The following GLYATL1 variants were observed in gnomAD, a reference collection of about 807,000 sequenced individuals.
GLYATL1 encodes the protein glycine N-acyltransferase-like protein 1.
Under a neutral mutation model 20.0 loss-of-function variants are expected in GLYATL1, and 15 were observed. The ratio of observed to expected loss-of-function variants is 0.75; its 90% CI spans 0.50 to 1.15. The LOEUF (loss-of-function observed/expected upper bound fraction) is 1.15. Among genes scored for constraint, GLYATL1 ranks in the 50% most tolerant of loss-of-function variants. GLYATL1 has a pLI of 0.00. For synonymous variants in GLYATL1, 151 were observed against 131.5 expected, an observed-to-expected ratio of 1.15 and a Z score of -1.01; for missense variants, 380 against 368.5, an observed-to-expected ratio of 1.03 and a Z score of -0.26.
At chr11:58,911,198 G>C (rs1459773070), downstream of GLYATL1, among the ~76,000 whole-genome samples, 1 of 152,170 alleles carries the variant, frequency 6.6e-6, no homozygotes, top group Non-Finnish European at 1.5e-5. Context: ...CTGTGTGAAT[G>C]TATCAAAATC....
intron 1 of GLYATL1, among the ~76,000 whole-genome samples, chr11:58,931,544 T>C (rs951292047): frequency 1.5e-4 from 23 of 152,178 alleles, no homozygotes; most frequent in African/African-American, 5.3e-4. Context: ...AAATAGAAAG[T>C]GATACCTACT....
At chr11:58,906,489 T>A (rs1047584212) in intron 1 of GLYATL1, among the ~76,000 whole-genome samples, 1 of 151,064 alleles carries the variant, frequency 6.6e-6, no homozygotes, top group Non-Finnish European at 1.5e-5. Flanking sequence ...AGTGAGGGGG[T>A]GCTTTTTAAG....
Position 58,915,164 on chromosome 11 carries a change from C to T in GLYATL1, n.264+9503C>T, listed in dbSNP as rs527812684. ...AATTCTTCTATTCTTACCAACAAAG[C>T]ATAACAATATCTCCAAATATGCCTG... On this transcript the variant is annotated intron_variant and non_coding_transcript_variant, in intron 1 of 2. Transcript: ENST00000534674. Among the ~76,000 whole-genome samples, 44 of 152,316 alleles carry T rather than the reference C, an allele frequency of 2.9e-4. 1 individual carries two copies. Among genetic ancestry groups the T allele is most frequent in the African/African-American group, 9.1e-4 (38 of 41,570 alleles).
intron 3 of GLYATL1, chr11:58,947,502 T>C (rs1856658951): frequency 3.1e-5 from 14 of 452,588 alleles, no homozygotes; most frequent in Middle Eastern, 1.2e-3. Flanking sequence ...TCTCTGACTT[T>C]ACGTTTGGTT....
Position 58,955,877 on chromosome 11 carries a change from A to G in GLYATL1, c.759A>G (p.Lys253=). 1 of 1,614,238 alleles carries G rather than the reference A, an allele frequency of 6.2e-7. No homozygotes were observed. The highest frequency in any genetic ancestry group is 1.1e-5 in the South Asian group (1 of 91,088). ...CACGAGTGATGGTGCGATACATGAA[A>G]TATCTGCGTCAGAAGAATATTCCAT... ...NMARVMVRYM[K]YLRQKNIPFY... is the part of the protein sequence containing the mutation. The change falls in exon 7 of 7, where the codon AAA becomes AAG. Residue 253 remains lysine, a synonymous_variant. Coordinates refer to ENST00000532726, the MANE Select transcript of GLYATL1 (RefSeq NM_001389712.2).
chr11:58,917,463 G>A (rs946164835), intron 1 of GLYATL1, among the ~76,000 whole-genome samples: 1 of 152,178 alleles, frequency 6.6e-6, no homozygotes, highest in Admixed American at 6.5e-5. Context: ...TGGCAAAAAC[G>A]TAGTGGCATG....
chr11:58,920,642 T>C (rs947003440), intron 1 of GLYATL1, among the ~76,000 whole-genome samples: 1 of 152,178 alleles, frequency 6.6e-6, no homozygotes, highest in Admixed American at 6.5e-5. Context: ...ACTGACAAGA[T>C]GGAGAGAAAG....
intron 4 of GLYATL1, among the ~76,000 whole-genome samples, chr11:58,950,146 C>G (rs1856877153): frequency 8.4e-6 from 1 of 119,498 alleles, no homozygotes; most frequent in Admixed American, 8.8e-5. Flanking sequence ...AAAAAATTAG[C>G]CGGGCGTGGT....
At chr11:58,910,112 A>G (rs1466886169), downstream of GLYATL1, among the ~76,000 whole-genome samples, 1 of 151,792 alleles carries the variant, frequency 6.6e-6, no homozygotes, top group Non-Finnish European at 1.5e-5. Flanking sequence ...CTGAGAGGGC[A>G]CTTACAGATA....
At chr11:58,920,221 G>A (rs908514598) in intron 1 of GLYATL1, among the ~76,000 whole-genome samples, 3 of 152,088 alleles carry the variant, frequency 2.0e-5, no homozygotes, top group African/African-American at 7.2e-5. Flanking sequence ...GTGTCTAAGA[G>A]CTGTAGAATT....
chr11:58,908,067 G>A (rs1854948947), exon 2 of GLYATL1: 1 of 152,422 alleles, frequency 6.6e-6, no homozygotes, highest in African/African-American at 2.4e-5. Flanking sequence ...GAAATCTCAA[G>A]GGTTGCCCAC....
chr11:58,915,940 G>A (rs918273590), intron 1 of GLYATL1, among the ~76,000 whole-genome samples: 1 of 152,154 alleles, frequency 6.6e-6, no homozygotes, highest in Non-Finnish European at 1.5e-5. Context: ...AAGTTGCTTT[G>A]AATGTCTTTA....
At chr11:58,937,800 A>G (rs1855901602), upstream of GLYATL1, among the ~76,000 whole-genome samples, 1 of 152,228 alleles carries the variant, frequency 6.6e-6, no homozygotes, top group African/African-American at 2.4e-5. Flanking sequence ...TGGCTGCTGC[A>G]TCCCAGTTTC....
intron 1 of GLYATL1, chr11:58,928,770 G>T: frequency 6.6e-6 from 1 of 152,214 alleles, no homozygotes; most frequent in East Asian, 1.9e-4. Context: ...AAACACACTT[G>T]TGGATAATTA....
rs150910502 is a variant in GLYATL1, at chr11:58,940,999, G to A, written c.-167+1349G>A. 4.2e-3 allele frequency among the ~76,000 whole-genome samples: 635 copies of A among 152,204 alleles called. 4 individuals carry two copies. Among genetic ancestry groups the A allele is most frequent in the African/African-American group, 0.014 (593 of 41,532 alleles). On this transcript the variant is annotated intron_variant, in intron 1 of 6. Transcript: ENST00000532726. Reference sequence around the variant, plus strand: ...AATAGAGGCAGAGAATGACAATGGGGCACAGAAGCATTGCAGGGAGACTAG... The same window carrying A: ...AATAGAGGCAGAGAATGACAATGGGACACAGAAGCATTGCAGGGAGACTAG...
intron 4 of GLYATL1, among the ~76,000 whole-genome samples, chr11:58,950,134 A>AAAG (rs1291630236): frequency 1.4e-5 from 2 of 147,212 alleles, no homozygotes; most frequent in African/African-American, 5.0e-5. Context: ...AAAAAAAAAA[A>AAAG]AAAAAAATTA....
intron 1 of GLYATL1, chr11:58,905,680 T>C: frequency 2.3e-6 from 1 of 436,090 alleles, no homozygotes; most frequent in South Asian, 1.6e-5. Context: ...GAACTGGCTG[T>C]GGACCGAGTG....
At chr11:58,921,766 T>C (rs1348700190) in intron 1 of GLYATL1, among the ~76,000 whole-genome samples, 1 of 152,160 alleles carries the variant, frequency 6.6e-6, no homozygotes, top group African/African-American at 2.4e-5. Flanking sequence ...CCTTCTGATC[T>C]CAGTTAATGT....
intron 1 of GLYATL1, among the ~76,000 whole-genome samples, chr11:58,913,607 G>A (rs1855102143): frequency 6.6e-6 from 1 of 152,182 alleles, no homozygotes; most frequent in African/African-American, 2.4e-5. Context: ...TGATATTCAT[G>A]TTCTCTTGGA....
Sources: allele counts gnomAD v4.1 joint callset (sites outside exome capture counted in the v4.1 genomes callset), GRCh38; gene constraint gnomAD v4.1.1; transcripts MANE v1.5; gene names NCBI Gene and HGNC (gene_info 2026-07-23, HGNC 2026-07-21).